ADAMTSL3: variants seen among roughly 807,000 people sequenced by gnomAD.
The protein encoded by ADAMTSL3 is ADAMTS like 3.
ADAMTSL3 carries 128 observed loss-of-function variants against 201.7 expected under a neutral mutation model. The observed-to-expected ratio is 0.63, with a 90% CI of 0.55 to 0.73. The LOEUF (loss-of-function observed/expected upper bound fraction) is 0.73. ADAMTSL3 is among the 30% of genes least tolerant of loss of function. The probability of loss-of-function intolerance (pLI) is 0.00; values close to 1 mark genes in which losing one functional copy is unlikely to be tolerated. For synonymous variants in ADAMTSL3, 738 were observed against 748.4 expected, an observed-to-expected ratio of 0.99 and a Z score of 0.23; for missense variants, 1,990 against 2,119.6, an observed-to-expected ratio of 0.94 and a Z score of 1.20.
chr15:83,798,592 G>T (rs903442426), intron 4 of ADAMTSL3, among the ~76,000 whole-genome samples: 1 of 152,014 alleles, frequency 6.6e-6, no homozygotes, highest in Non-Finnish European at 1.5e-5. Context: ...CGGATCACGA[G>T]GTCAGGAGTT....
chr15:83,919,357 C>G (rs2066096037), intron 16 of ADAMTSL3, among the ~76,000 whole-genome samples: 1 of 152,064 alleles, frequency 6.6e-6, no homozygotes, highest in African/African-American at 2.4e-5. Flanking sequence ...GAGAAGAGAT[C>G]AGCGAGATAT....
chr15:83,773,730 A>G, intron 4 of ADAMTSL3, 80 bp downstream of exon 4: 1 of 1,492,840 alleles, frequency 6.7e-7, no homozygotes. Flanking sequence ...ATAACTTTAT[A>G]TGGCTTTGGA....
At position 83,819,333 on chromosome 15, in the gene ADAMTSL3, C is replaced by T. The variant is rs953221647; in HGVS notation, c.364-478C>T. Among the ~76,000 whole-genome samples the T allele has an allele frequency of 3.3e-5, 5 of 150,864 alleles. No homozygotes were observed. In the East Asian group the frequency reaches 9.7e-4, roughly 29 times the overall value. ...GCTCACAGAGCACAGCAGTTTTGGG[C>T]TAATAATCCTTCACATTGAAATGGC... is the stretch of plus-strand genomic sequence containing the variant. On this transcript the variant is annotated intron_variant, in intron 5 of 29. Transcript: ENST00000286744.
intron 25 of ADAMTSL3, among the ~76,000 whole-genome samples, chr15:84,019,989 G>A (rs867003080): frequency 5.3e-5 from 8 of 151,884 alleles, no homozygotes; most frequent in Non-Finnish European, 1.0e-4. Flanking sequence ...AGAAATGGAC[G>A]AGTTGCTGCC....
At chr15:83,985,876 C>T (rs1218963247) in intron 21 of ADAMTSL3, among the ~76,000 whole-genome samples, 3 of 152,116 alleles carry the variant, frequency 2.0e-5, no homozygotes, top group African/African-American at 7.2e-5. Context: ...GTGATCCACC[C>T]ACCTCGGCCT....
At chr15:83,720,090 A>G (rs1012016875) in intron 3 of ADAMTSL3, among the ~76,000 whole-genome samples, 1 of 152,086 alleles carries the variant, frequency 6.6e-6, no homozygotes, top group Non-Finnish European at 1.5e-5. Flanking sequence ...GTGGTGGCTT[A>G]TGCCTGTAAT....
At chr15:83,847,103 C>A (rs964221022) in intron 7 of ADAMTSL3, among the ~76,000 whole-genome samples, 2 of 152,182 alleles carry the variant, frequency 1.3e-5, no homozygotes, top group Non-Finnish European at 2.9e-5. Flanking sequence ...TACTCATTTG[C>A]AGATTGAGCA....
chr15:83,753,321 G>A (rs1307537576), intron 3 of ADAMTSL3, among the ~76,000 whole-genome samples: 1 of 152,152 alleles, frequency 6.6e-6, no homozygotes, highest in Non-Finnish European at 1.5e-5. Flanking sequence ...AGAATTCTCT[G>A]TCCCAGTTTT....
intron 4 of ADAMTSL3, among the ~76,000 whole-genome samples, chr15:83,801,692 ATATG>A (rs541853309): frequency 1.7e-4 from 15 of 86,232 alleles, no homozygotes; most frequent in African/African-American, 4.1e-4. Context: ...ATATATATAT[ATATG>A]TATGTATGAG....
chr15:83,947,111 A>G (rs1355861130), intron 19 of ADAMTSL3, among the ~76,000 whole-genome samples: 1 of 152,108 alleles, frequency 6.6e-6, no homozygotes, highest in African/African-American at 2.4e-5. Flanking sequence ...TTTTTTTGGC[A>G]GAGACTCTGA....
At chr15:83,964,381 A>G (rs1567268013) in intron 19 of ADAMTSL3, among the ~76,000 whole-genome samples, 1 of 152,154 alleles carries the variant, frequency 6.6e-6, no homozygotes, top group East Asian at 1.9e-4. Flanking sequence ...TGAAGCATAC[A>G]CAAGTATCAA....
chr15:83,753,914 T>C (rs1287662427), intron 3 of ADAMTSL3, among the ~76,000 whole-genome samples: 1 of 152,224 alleles, frequency 6.6e-6, no homozygotes, highest in East Asian at 1.9e-4. Flanking sequence ...TATAACTTTA[T>C]CTGAAGGTTG....
intron 4 of ADAMTSL3, among the ~76,000 whole-genome samples, chr15:83,775,517 G>C (rs2063057569): frequency 6.6e-6 from 1 of 151,980 alleles, no homozygotes; most frequent in African/African-American, 2.4e-5. Flanking sequence ...ACATAATTTT[G>C]CCAAGTGATA....
intron 4 of ADAMTSL3, among the ~76,000 whole-genome samples, chr15:83,782,838 A>G (rs1267961996): frequency 2.0e-5 from 3 of 151,734 alleles, no homozygotes; most frequent in African/African-American, 4.8e-5. Flanking sequence ...AAGTTTACCT[A>G]TATAACAAGC....
chr15:83,748,298 C>T (rs2062580914), intron 3 of ADAMTSL3, among the ~76,000 whole-genome samples: 1 of 152,102 alleles, frequency 6.6e-6, no homozygotes, highest in African/African-American at 2.4e-5. Context: ...TCAAGATTGT[C>T]ATCCTTCATT....
chr15:83,766,724 C>G (rs1351487915), intron 3 of ADAMTSL3, among the ~76,000 whole-genome samples: 1 of 152,126 alleles, frequency 6.6e-6, no homozygotes, highest in Non-Finnish European at 1.5e-5. Flanking sequence ...CTGCCTAGGC[C>G]CCTTCTTTAA....
intron 19 of ADAMTSL3, among the ~76,000 whole-genome samples, chr15:83,954,849 GTC>G (rs146126178): frequency 3.9e-4 from 58 of 149,088 alleles, no homozygotes; most frequent in Non-Finnish European, 5.7e-4. Flanking sequence ...CTCTGTCTCT[GTC>G]TCTCTCTCTC....
At chr15:83,843,256 A>G (rs1567183344) in intron 7 of ADAMTSL3, among the ~76,000 whole-genome samples, 5 of 151,752 alleles carry the variant, frequency 3.3e-5, no homozygotes, top group African/African-American at 9.7e-5. Context: ...TTTTTTAAAA[A>G]AAATCAATTT....
intron 2 of ADAMTSL3, among the ~76,000 whole-genome samples, chr15:83,683,888 T>A (rs961264234): frequency 2.0e-5 from 3 of 152,244 alleles, no homozygotes; most frequent in African/African-American, 7.2e-5. Context: ...CTTAAAGATC[T>A]GGCTTAGGCT....
Sources: gnomAD v4.1 joint callset for allele counts (sites outside exome capture counted in the v4.1 genomes callset) on GRCh38, gnomAD v4.1.1 for gene constraint, MANE v1.5 for transcripts, NCBI Gene and HGNC (gene_info 2026-07-23, HGNC 2026-07-21) for gene names.